The following ZNF254 variants were observed in gnomAD, a reference collection of about 807,000 sequenced individuals.
The protein encoded by ZNF254 is zinc finger protein 254, also known as CTD-2017D11.1.
Under a neutral mutation model 12.4 loss-of-function variants are expected in ZNF254, and 10 were observed. That is an observed-to-expected ratio of 0.80 (90% CI 0.50 to 1.36). The LOEUF is 1.36. Ranked by LOEUF, ZNF254 falls within the 40% of genes most tolerant of loss-of-function variation. The pLI is 0.00. For synonymous variants in ZNF254, 305 were observed against 253.4 expected (o/e 1.20, Z -1.93); for missense variants, 996 against 763.9 (o/e 1.30, Z -3.58).
chr19:24,050,345 A>G (rs1970598192), intron 2 of ZNF254, among the ~76,000 whole-genome samples: 2 of 151,972 alleles, frequency 1.3e-5, no homozygotes, highest in Admixed American at 1.3e-4. Flanking sequence ...TTTTCAGTAG[A>G]GACAAGATAT....
At chr19:24,051,585 T>C (rs1284721177) in intron 2 of ZNF254, among the ~76,000 whole-genome samples, 3 of 150,874 alleles carry the variant, frequency 2.0e-5, no homozygotes. Context: ...TACCACTGGG[T>C]CAAGAACCTA....
chr19:24,119,379 A>G (rs996642524), intron 3 of ZNF254, among the ~76,000 whole-genome samples: 2 of 151,838 alleles, frequency 1.3e-5, no homozygotes, highest in African/African-American at 4.8e-5. Context: ...TTTAGTAGAG[A>G]AGGGGTTTCA....
intron 2 of ZNF254, among the ~76,000 whole-genome samples, chr19:24,070,827 C>G (rs1454593470): frequency 1.3e-5 from 2 of 152,140 alleles, no homozygotes; most frequent in Non-Finnish European, 2.9e-5. Flanking sequence ...TTGTTCCTGT[C>G]ACAGAGTACA....
chr19:24,120,596 TATG>T (rs1974409761), intron 3 of ZNF254, among the ~76,000 whole-genome samples: 1 of 152,098 alleles, frequency 6.6e-6, no homozygotes. Flanking sequence ...TATATGGTTT[TATG>T]ATGCTGTCCA....
chr19:24,054,884 A>G (rs180720199), intron 2 of ZNF254, among the ~76,000 whole-genome samples: 1 of 152,234 alleles, frequency 6.6e-6, no homozygotes, highest in Admixed American at 6.5e-5. Context: ...TGTGCCTCTC[A>G]TTTATACTGG....
chr19:24,036,467 C>G (rs1470271026), intron 1 of ZNF254, among the ~76,000 whole-genome samples: 1 of 152,012 alleles, frequency 6.6e-6, no homozygotes, highest in Non-Finnish European at 1.5e-5. Context: ...TAGATGAGAC[C>G]CTAGGAATTG....
rs1973849069 is a variant in ZNF254, at chr19:24,113,666, T to G, written c.253+7023T>G. On this transcript the variant is annotated intron_variant, in intron 3 of 3. Transcript: ENST00000357002. ...CTCTCAACACTCCTATTCAACATAG[T>G]GTTGGATGTTCTGGCCAGGGCAATT... Among the ~76,000 whole-genome samples, 2 of 152,138 alleles carry G rather than the reference T, an allele frequency of 1.3e-5. 1 individual carries two copies. Among genetic ancestry groups the G allele is most frequent in the South Asian group, 4.2e-4 (2 of 4,816 alleles).
upstream of ZNF254, among the ~76,000 whole-genome samples, chr19:24,085,848 A>G (rs1435152181): frequency 6.6e-6 from 1 of 152,162 alleles, no homozygotes; most frequent in African/African-American, 2.4e-5. Context: ...GTCTACTTTG[A>G]AATTATTTAA....
At chr19:24,110,271 G>A (rs564397033) in intron 3 of ZNF254, among the ~76,000 whole-genome samples, 3 of 152,038 alleles carry the variant, frequency 2.0e-5, no homozygotes, top group Non-Finnish European at 4.4e-5. Flanking sequence ...AAATGTACAT[G>A]TCAGGGCCAG....
intron 1 of ZNF254, among the ~76,000 whole-genome samples, chr19:24,096,226 T>C (rs1972664153): frequency 6.6e-6 from 1 of 151,986 alleles, no homozygotes; most frequent in Non-Finnish European, 1.5e-5. Context: ...GCCTGCCTAA[T>C]TTTTGTAATT....
At position 24,128,236 on chromosome 19, in the gene ZNF254, G is replaced by A. The variant is rs997363030; in HGVS notation, c.*256G>A. 7.5e-6 allele frequency: 3 copies of A among 402,354 alleles called. No individual in the cohort carries two copies. Among genetic ancestry groups the A allele is most frequent in the South Asian group, 7.6e-5 (1 of 13,224 alleles). 24.9% of individuals were successfully genotyped at this position (402,354 alleles called of 1,614,324 possible). A position where few individuals can be genotyped will look rare whatever the true frequency, so the allele number is the denominator to read the frequency against. ...AGTGTGAACAACGTGGCCAAGCTTCGACAATGCTCACACCCTATTGCACAG... is the reference window on the plus strand; with the variant it reads ...AGTGTGAACAACGTGGCCAAGCTTCAACAATGCTCACACCCTATTGCACAG... On this transcript the variant is annotated 3_prime_UTR_variant, in exon 4 of 4. Coordinates refer to ENST00000357002, the MANE Select transcript of ZNF254 (RefSeq NM_203282.4).
chr19:24,068,448 G>T (rs1316162028), intron 2 of ZNF254, among the ~76,000 whole-genome samples: 1 of 152,132 alleles, frequency 6.6e-6, no homozygotes, highest in African/African-American at 2.4e-5. Flanking sequence ...TTACAGGCAT[G>T]CATTACCACA....
At chr19:24,087,624 G>T (rs548830347) in intron 1 of ZNF254, among the ~76,000 whole-genome samples, 1 of 152,312 alleles carries the variant, frequency 6.6e-6, no homozygotes, top group East Asian at 1.9e-4. Context: ...CCCGGGGAGG[G>T]TCGTCAGGGG....
intron 2 of ZNF254, among the ~76,000 whole-genome samples, chr19:24,059,068 C>T (rs1028800836): frequency 1.3e-5 from 2 of 152,234 alleles, no homozygotes; most frequent in Non-Finnish European, 2.9e-5. Flanking sequence ...CTGGGCCCAA[C>T]AGCATAATGA....
chr19:24,073,022 G>A lies in ZNF254; in HGVS notation c.-94+26743G>A, dbSNP rs542966091. Among the ~76,000 whole-genome samples the A allele has an allele frequency of 5.9e-5, 9 of 152,296 alleles. No homozygotes were observed. In the East Asian group the frequency reaches 1.2e-3, roughly 20 times the overall value. The stretch of plus-strand genomic sequence containing the variant: ...TTACTGGCACTTGTAACTATACTTG[G>A]AGAAATGGGTAAATTCCTGGGTCTT... On this transcript the variant is annotated intron_variant, in intron 2 of 4. Transcript: ENST00000613065.
rs745432997 is a variant in ZNF254, at chr19:24,105,946, T to C, written c.37T>C (p.Leu13=). The C allele has an allele frequency of 1.1e-5, 18 of 1,593,350 alleles. No individual in the cohort carries two copies. In the South Asian group the frequency reaches 1.8e-4, roughly 16 times the overall value. The change falls in exon 2 of 4, where the codon TTG becomes CTG. Residue 13 remains leucine, a synonymous_variant. Coordinates refer to ENST00000357002, the MANE Select transcript of ZNF254 (RefSeq NM_203282.4). ...GTTTGTGTGTGTTTTCCAGGGACTGTTGACATTTAGGGATGTGGCCATAGA... is the reference window on the plus strand; with the variant it reads ...GTTTGTGTGTGTTTTCCAGGGACTGCTGACATTTAGGGATGTGGCCATAGA... ...GPPRSLEMGL[L]TFRDVAIEFS... is the part of the protein sequence containing the mutation.
chr19:24,048,267 C>T (rs1438793488), intron 2 of ZNF254, among the ~76,000 whole-genome samples: 2 of 152,004 alleles, frequency 1.3e-5, no homozygotes, highest in Non-Finnish European at 2.9e-5. Context: ...GACTTAGAGG[C>T]CGGCCACTGA....
In ZNF254 at chr19:24,117,166, T is replaced by G. The variant is rs188532860; in HGVS notation, c.254-9088T>G. ...AGGGGTCCGGGACCCACTTGAGGAG[T>G]CTGTCTGCCTGTTCTCAGATCTCCA... On this transcript the variant is annotated intron_variant, in intron 3 of 3. Coordinates refer to ENST00000357002, the MANE Select transcript of ZNF254 (RefSeq NM_203282.4). Among the ~76,000 whole-genome samples the G allele has an allele frequency of 5.2e-3, 797 of 152,106 alleles. 7 individuals are homozygous for G. The highest frequency in any genetic ancestry group is 0.02 in the Middle Eastern group (6 of 294).
chr19:24,058,458 T>A (rs1001491283), intron 2 of ZNF254, among the ~76,000 whole-genome samples: 2 of 151,552 alleles, frequency 1.3e-5, no homozygotes, highest in African/African-American at 4.8e-5. Context: ...TTACCCAGGC[T>A]GGAGTGTAAT....
Sources: allele counts gnomAD v4.1 joint callset (sites outside exome capture counted in the v4.1 genomes callset), GRCh38; gene constraint gnomAD v4.1.1; transcripts MANE v1.5; gene names NCBI Gene and HGNC (gene_info 2026-07-23, HGNC 2026-07-21).